ITGBL1: variants seen among roughly 807,000 people sequenced by gnomAD.
ITGBL1 encodes integrin beta-like protein 1.
Under a neutral mutation model 68.5 loss-of-function variants are expected in ITGBL1, and 51 were observed. That is an observed-to-expected ratio of 0.74 (90% CI 0.59 to 0.94). The LOEUF is 0.94. Among genes scored for constraint, ITGBL1 ranks in the 40% least tolerant of loss-of-function variants. The pLI is 0.00. For synonymous variants in ITGBL1, 209 were observed against 227.3 expected (o/e 0.92, Z 0.72); for missense variants, 649 against 647.4 (o/e 1.00, Z -0.03).
rs1053824645 is a variant in ITGBL1 at position 101,578,695 on chromosome 13, C to T, written c.587-592C>T. ...GACAAGTAGAAAGGGAATTTGATTGCGTGGCCAAGGGCCCATGGTATTTTG... is the reference window on the plus strand; with the variant it reads ...GACAAGTAGAAAGGGAATTTGATTGTGTGGCCAAGGGCCCATGGTATTTTG... On this transcript the variant is annotated intron_variant, in intron 4 of 10. Coordinates refer to ENST00000376180, the MANE Select transcript of ITGBL1 (RefSeq NM_004791.3). Among the ~76,000 whole-genome samples the T allele has an allele frequency of 5.3e-5, 8 of 152,248 alleles. No homozygotes were observed. In the East Asian group the frequency reaches 9.7e-4, roughly 18 times the overall value.
intron 6 of ITGBL1, among the ~76,000 whole-genome samples, chr13:101,585,510 G>T (rs758405453): frequency 2.0e-5 from 3 of 151,990 alleles, no homozygotes; most frequent in Non-Finnish European, 4.4e-5. Flanking sequence ...AGCTCACTGC[G>T]AGCTCCACCT....
intron 2 of ITGBL1, among the ~76,000 whole-genome samples, chr13:101,538,425 A>G (rs2049618266): frequency 6.6e-6 from 1 of 152,132 alleles, no homozygotes; most frequent in African/African-American, 2.4e-5. Flanking sequence ...CAAATAGTAA[A>G]CAAAAAGGAA....
intron 2 of ITGBL1, among the ~76,000 whole-genome samples, chr13:101,531,102 T>G (rs939807816): frequency 6.6e-6 from 1 of 152,188 alleles, no homozygotes; most frequent in Non-Finnish European, 1.5e-5. Context: ...CAATAATGGC[T>G]AAGTTTATGA....
intron 2 of ITGBL1, among the ~76,000 whole-genome samples, chr13:101,454,393 G>A (rs2048210391): frequency 3.2e-5 from 1 of 31,348 alleles, no homozygotes; most frequent in Non-Finnish European, 5.1e-5. Context: ...ATGTTGCCCT[G>A]GCTGGTCCCC....
At chr13:101,627,592 A>G (rs1437133302) in intron 7 of ITGBL1, among the ~76,000 whole-genome samples, 1 of 152,138 alleles carries the variant, frequency 6.6e-6, no homozygotes, top group African/African-American at 2.4e-5. Context: ...TCACTGCCCT[A>G]CAAATCCCCT....
intron 8 of ITGBL1, among the ~76,000 whole-genome samples, chr13:101,701,574 A>G (rs1036807612): frequency 5.3e-5 from 8 of 151,916 alleles, no homozygotes; most frequent in African/African-American, 1.9e-4. Context: ...AAAATCATCT[A>G]TTTTCTTGCA....
chr13:101,460,406 T>A (rs936297288), intron 2 of ITGBL1, among the ~76,000 whole-genome samples: 17 of 152,258 alleles, frequency 1.1e-4, no homozygotes, highest in African/African-American at 4.1e-4. Flanking sequence ...GCTCACCCAC[T>A]GCATGTAAGC....
chr13:101,591,519 C>G (rs2050654597), intron 6 of ITGBL1, among the ~76,000 whole-genome samples: 1 of 151,992 alleles, frequency 6.6e-6, no homozygotes, highest in Admixed American at 6.5e-5. Context: ...ATGTCTCATT[C>G]CACTTTGATT....
chr13:101,514,981 A>G (rs767968088), intron 2 of ITGBL1, among the ~76,000 whole-genome samples: 59 of 152,126 alleles, frequency 3.9e-4, no homozygotes, highest in Non-Finnish European at 5.3e-4. Context: ...TCACCATCAA[A>G]TAGAAAATAT....
chr13:101,630,739 A>C (rs1218224061), intron 7 of ITGBL1, among the ~76,000 whole-genome samples: 1 of 152,096 alleles, frequency 6.6e-6, no homozygotes, highest in Non-Finnish European at 1.5e-5. Context: ...GCTGATCTGC[A>C]TTGTTTTCAA....
In ITGBL1 at chr13:101,453,525, G is replaced by A. The variant is rs546827684; in HGVS notation, c.99-358G>A. ...AGAACTGAAAAGTCAGCTGAGTGCC[G>A]TACCTTGGATTACTTTGTATTTAAT... On this transcript the variant is annotated intron_variant, in intron 1 of 10. Coordinates refer to ENST00000376180, the MANE Select transcript of ITGBL1 (RefSeq NM_004791.3). 6.6e-5 allele frequency among the ~76,000 whole-genome samples: 10 copies of A among 152,192 alleles called. 1 individual carries two copies. The highest frequency in any genetic ancestry group is 4.1e-4 in the South Asian group (2 of 4,828).
At chr13:101,564,183 T>C (rs1402875238) in intron 2 of ITGBL1, among the ~76,000 whole-genome samples, 1 of 151,914 alleles carries the variant, frequency 6.6e-6, no homozygotes, top group Non-Finnish European at 1.5e-5. Flanking sequence ...CTACAAGAGC[T>C]GAAATAATTT....
intron 2 of ITGBL1, among the ~76,000 whole-genome samples, chr13:101,518,380 T>C (rs571745097): frequency 5.0e-4 from 76 of 152,328 alleles, no homozygotes; most frequent in South Asian, 2.7e-3. Context: ...TGTTGCTGGA[T>C]AAATCTAATT....
chr13:101,542,162 A>T (rs1210069223), intron 2 of ITGBL1, among the ~76,000 whole-genome samples: 1 of 152,188 alleles, frequency 6.6e-6, no homozygotes, highest in African/African-American at 2.4e-5. Context: ...TGTCAATGTT[A>T]GATCTTTCCT....
At chr13:101,512,653 T>C (rs1264443738) in intron 2 of ITGBL1, among the ~76,000 whole-genome samples, 1 of 152,054 alleles carries the variant, frequency 6.6e-6, no homozygotes, top group Non-Finnish European at 1.5e-5. Context: ...ACCTTTTGTT[T>C]TGAGAGCCAG....
chr13:101,543,946 C>T (rs1445816925), intron 2 of ITGBL1, among the ~76,000 whole-genome samples: 2 of 152,110 alleles, frequency 1.3e-5, no homozygotes, highest in African/African-American at 4.8e-5. Flanking sequence ...TTCTAGTTAG[C>T]CATTCGTCTA....
At chr13:101,547,913 A>C (rs1038137283) in intron 2 of ITGBL1, among the ~76,000 whole-genome samples, 1 of 151,372 alleles carries the variant, frequency 6.6e-6, no homozygotes, top group Non-Finnish European at 1.5e-5. Flanking sequence ...GTGTGTGTAT[A>C]TATATATATG....
intron 8 of ITGBL1, among the ~76,000 whole-genome samples, chr13:101,703,355 G>C (rs1332901690): frequency 6.6e-6 from 1 of 152,142 alleles, no homozygotes; most frequent in Non-Finnish European, 1.5e-5. Flanking sequence ...CATGAGGTCA[G>C]AAAAGCATGA....
At chr13:101,631,390 T>G (rs143230316) in intron 7 of ITGBL1, among the ~76,000 whole-genome samples, 1 of 152,116 alleles carries the variant, frequency 6.6e-6, no homozygotes, top group African/African-American at 2.4e-5. Context: ...TTTTTTTTTT[T>G]GCAATGTAAA....
Sources: gnomAD v4.1 joint callset for allele counts (sites outside exome capture counted in the v4.1 genomes callset) on GRCh38, gnomAD v4.1.1 for gene constraint, MANE v1.5 for transcripts, NCBI Gene and HGNC (gene_info 2026-07-23, HGNC 2026-07-21) for gene names.